The following KIAA0513 variants were observed in gnomAD, a reference collection of about 807,000 sequenced individuals.
The protein encoded by KIAA0513 is uncharacterized protein KIAA0513.
In KIAA0513, 39 loss-of-function variants were observed where a neutral mutation model predicts 56.5. The observed-to-expected ratio is 0.69, with a 90% CI of 0.53 to 0.90. KIAA0513 has a LOEUF of 0.90. Ranked by LOEUF, KIAA0513 falls within the 40% of genes least tolerant of loss-of-function variation. The pLI, the probability that KIAA0513 is intolerant of heterozygous loss-of-function variation, is 0.00. For synonymous variants in KIAA0513, 268 were observed against 215.6 expected (o/e 1.24, Z -2.13); for missense variants, 591 against 535.2 (o/e 1.10, Z -1.03).
rs1341359430 is a variant in KIAA0513 at position 85,064,930 on chromosome 16, CCGCG to C, written c.-172-1969_-172-1966del. Reference sequence around the variant, plus strand: ...GAACTCCAGACCTCAGGTGATCCACCCGCGTCAGCCTCCCAAAGTGCTGGGATAA... The same window carrying C: ...GAACTCCAGACCTCAGGTGATCCACCTCAGCCTCCCAAAGTGCTGGGATAA... On this transcript the variant is annotated intron_variant, in intron 1 of 12. Transcript: ENST00000683363. Among the ~76,000 whole-genome samples the C allele has an allele frequency of 9.3e-4, 142 of 152,332 alleles. 1 individual carries two copies. The highest frequency in any genetic ancestry group is 2.7e-3 in the Admixed American group (42 of 15,300).
intron 4 of KIAA0513, among the ~76,000 whole-genome samples, chr16:85,073,967 G>GT: frequency 6.6e-6 from 1 of 150,894 alleles, no homozygotes. Context: ...GTTTTGTTTT[G>GT]TTTTTGTTTT....
At chr16:85,084,056 A>ATTT (rs66814882) in intron 10 of KIAA0513, among the ~76,000 whole-genome samples, 4 of 70,776 alleles carry the variant, frequency 5.7e-5, no homozygotes, top group African/African-American at 1.8e-4. Flanking sequence ...AACTCTTCTA[A>ATTT]TTTTTTTTTT....
At chr16:85,080,209 C>T (rs904677891) in intron 8 of KIAA0513, among the ~76,000 whole-genome samples, 3 of 152,156 alleles carry the variant, frequency 2.0e-5, no homozygotes, top group East Asian at 3.8e-4. Flanking sequence ...CGCTTTGTCC[C>T]GCTGTCTGGT....
chr16:85,030,937 A>G (rs1306433698), intron 1 of KIAA0513, among the ~76,000 whole-genome samples: 1 of 152,184 alleles, frequency 6.6e-6, no homozygotes, highest in Admixed American at 6.5e-5. Context: ...CCAGCACACG[A>G]ACAGAAGTGT....
rs2073862917 is a variant in KIAA0513 at position 85,091,083 on chromosome 16, G to T, written c.*2758G>T. ...GTGTCAGGTGATTTCCTAGGGAGAG[G>T]TTCCCAGTCCCAGCAGGCAGAATGC... On this transcript the variant is annotated 3_prime_UTR_variant, in exon 13 of 13. Transcript: ENST00000683363. 1 of 152,244 alleles carries T rather than the reference G, an allele frequency of 6.6e-6. No homozygotes were observed. The highest frequency in any genetic ancestry group is 1.9e-4 in the East Asian group (1 of 5,194). 9.4% of individuals were successfully genotyped at this position (152,244 alleles called of 1,614,324 possible).
intron 6 of KIAA0513, among the ~76,000 whole-genome samples, chr16:85,077,943 C>A (rs1216861642): frequency 1.3e-5 from 2 of 152,184 alleles, no homozygotes; most frequent in Non-Finnish European, 2.9e-5. Context: ...CTGGCTGGAC[C>A]AACAGTGAGT....
At chr16:85,085,964 G>T (rs1309705909) in intron 10 of KIAA0513, among the ~76,000 whole-genome samples, 2 of 152,212 alleles carry the variant, frequency 1.3e-5, no homozygotes, top group Non-Finnish European at 2.9e-5. Context: ...CTGGTGGGAA[G>T]CGTGGGGGCC....
Position 85,077,648 on chromosome 16 carries a change from G to C in KIAA0513, c.782+16G>C. ...GGAGGAACGAGTACGTGTGGCCTTG[G>C]GGTCCCTCCCACCTGCAGGGGACTG... On this transcript the variant is annotated intron_variant, in intron 6 of 12. Coordinates refer to ENST00000683363, the MANE Select transcript of KIAA0513 (RefSeq NM_001388359.1). 1 of 1,584,616 alleles carries C rather than the reference G, an allele frequency of 6.3e-7. No homozygotes were observed. Among genetic ancestry groups the C allele is most frequent in the Non-Finnish European group, 8.6e-7 (1 of 1,161,162 alleles).
In KIAA0513 at chr16:85,093,986, C is replaced by G. The variant is rs1056333184; in HGVS notation, c.*5661C>G. The stretch of plus-strand genomic sequence containing the variant: ...CGCGGTGCTCACATCCAGACATTAC[C>G]TTGTTGGTAGCCCCCAAGTGGCGTG... On this transcript the variant is annotated 3_prime_UTR_variant, in exon 13 of 13. Transcript: ENST00000683363. 5 of 152,176 alleles carry G rather than the reference C, an allele frequency of 3.3e-5. No homozygotes were observed. The highest frequency in any genetic ancestry group is 7.3e-5 in the Non-Finnish European group (5 of 68,040). 9.4% of individuals were successfully genotyped at this position (152,176 alleles called of 1,614,324 possible).
chr16:85,059,706 A>T (rs780020079), intron 1 of KIAA0513, among the ~76,000 whole-genome samples: 2 of 152,206 alleles, frequency 1.3e-5, no homozygotes, highest in Non-Finnish European at 2.9e-5. Flanking sequence ...AACTGCTCTG[A>T]TAATAGGGTC....
intron 1 of KIAA0513, among the ~76,000 whole-genome samples, chr16:85,054,912 A>G (rs1250477866): frequency 3.3e-5 from 5 of 151,852 alleles, no homozygotes; most frequent in Non-Finnish European, 5.9e-5. Context: ...GTTATGATTT[A>G]TGTATTTTCT....
chr16:85,036,726 G>C (rs1757554840), intron 1 of KIAA0513, among the ~76,000 whole-genome samples: 2 of 152,160 alleles, frequency 1.3e-5, no homozygotes, highest in South Asian at 4.1e-4. Context: ...ATCCAGTCCA[G>C]GGGACCACAT....
chr16:85,053,544 C>T (rs1472839927), intron 1 of KIAA0513, among the ~76,000 whole-genome samples: 1 of 152,202 alleles, frequency 6.6e-6, no homozygotes, highest in Admixed American at 6.5e-5. Context: ...CAGGTTGACT[C>T]TCTGGATAAG....
intron 1 of KIAA0513, among the ~76,000 whole-genome samples, chr16:85,057,464 G>T (rs1221289255): frequency 6.6e-6 from 1 of 152,244 alleles, no homozygotes; most frequent in Non-Finnish European, 1.5e-5. Context: ...TATGGCAGGT[G>T]TGGAGGAAGG....
At chr16:85,068,062 C>A (rs914843151) in intron 2 of KIAA0513, among the ~76,000 whole-genome samples, 1 of 152,162 alleles carries the variant, frequency 6.6e-6, no homozygotes, top group Non-Finnish European at 1.5e-5. Flanking sequence ...CCACCCGCCT[C>A]AGCCTCCCAA....
At chr16:85,059,865 A>C (rs569288200) in intron 1 of KIAA0513, among the ~76,000 whole-genome samples, 2 of 152,262 alleles carry the variant, frequency 1.3e-5, no homozygotes, top group Admixed American at 1.3e-4. Context: ...TGATAATCCT[A>C]CTGATTAGGG....
chr16:85,044,765 C>G lies in KIAA0513; in HGVS notation c.-173+16907C>G, dbSNP rs1008256536. On this transcript the variant is annotated intron_variant, in intron 1 of 12. Coordinates refer to ENST00000683363, the MANE Select transcript of KIAA0513 (RefSeq NM_001388359.1). ...TCATGATCCGCCTGTCTCAGCCTCC[C>G]AAAGTGCTGGGATTACAGGCATGAG... is the stretch of plus-strand genomic sequence containing the variant. 5.9e-5 allele frequency among the ~76,000 whole-genome samples: 9 copies of G among 152,010 alleles called. No individual in the cohort carries two copies. The East Asian group carries it at 1.4e-3, about 23-fold the overall frequency.
Position 85,029,033 on chromosome 16 carries a change from G to A in KIAA0513, c.-173+1175G>A, listed in dbSNP as rs544669559. On this transcript the variant is annotated intron_variant, in intron 1 of 12. Coordinates refer to ENST00000683363, the MANE Select transcript of KIAA0513 (RefSeq NM_001388359.1). ...AAGGTTTGGGTAATATTGCATGTGA[G>A]CGTTCCTTCCTGTCTTCCCCCCATT... Among the ~76,000 whole-genome samples the A allele has an allele frequency of 2.6e-5, 4 of 152,348 alleles. No homozygotes were observed. In the East Asian group the frequency reaches 7.7e-4, roughly 29 times the overall value.
Position 85,077,535 on chromosome 16 carries a change from C to T in KIAA0513, c.685C>T (p.Arg229Trp), listed in dbSNP as rs147151753. 637 of 1,614,166 alleles carry T rather than the reference C, an allele frequency of 3.9e-4. No homozygotes were observed. The highest frequency in any genetic ancestry group is 5.2e-4 in the Admixed American group (31 of 60,024). Residue 229 changes from arginine to tryptophan, a missense_variant, in exon 6 of 13, where the codon CGG becomes TGG. By Grantham distance (101) the Arg-to-Trp change is moderately radical. Transcript: ENST00000683363. ...GGCCGAAAAGAAGGACATCGCCGAG[C>T]GGCTGCTGAAGAACACCTCGGCCAG... ...WLAEKKDIAERLLKNTSARTE... is the reference protein window; with the variant it reads ...WLAEKKDIAEWLLKNTSARTE...
Sources: allele counts gnomAD v4.1 joint callset (sites outside exome capture counted in the v4.1 genomes callset), GRCh38; gene constraint gnomAD v4.1.1; transcripts MANE v1.5; gene names NCBI Gene and HGNC (gene_info 2026-07-23, HGNC 2026-07-21).